Variants in POLRMT observed in about 807,000 individuals in gnomAD.
POLRMT encodes the protein RNA polymerase mitochondrial.
Under a neutral mutation model 132.2 loss-of-function variants are expected in POLRMT, and 114 were observed. The observed-to-expected ratio is 0.86, with a 90% confidence interval of 0.74 to 1.01. POLRMT has a LOEUF of 1.01. Among genes scored for constraint, POLRMT ranks in the 50% least tolerant of loss-of-function variants. The pLI, the probability that POLRMT is intolerant of heterozygous loss-of-function variation, is 0.00. For missense variants in POLRMT, 2,003 were observed against 1,729.1 expected (o/e 1.16, Z -2.81); for synonymous variants, 1,020 against 773.4 (o/e 1.32, Z -5.29).
chr19:625,006 C>T, intron 4 of POLRMT, 101 bp from the exon 5 acceptor site: 5 of 1,517,952 alleles, frequency 3.3e-6, no homozygotes, highest in Non-Finnish European at 4.4e-6. Context: ...GCCTGCAGGT[C>T]TCGGTGTGGC....
chr19:623,614 G>C lies in POLRMT; in HGVS notation c.1141-11C>G. ...GGACACACGCCCATCCTGCAGGGATGGGGGTAGTGAGGTTGGGGGCTTGCC... is the reference window on the plus strand; with the variant it reads ...GGACACACGCCCATCCTGCAGGGATCGGGGTAGTGAGGTTGGGGGCTTGCC... On this transcript the variant is annotated splice_polypyrimidine_tract_variant and intron_variant, in intron 5 of 20. Transcript: ENST00000588649. The C allele has an allele frequency of 6.2e-7, 1 of 1,612,904 alleles. No individual in the cohort carries two copies. Among genetic ancestry groups the C allele is most frequent in the African/African-American group, 1.3e-5 (1 of 75,044 alleles).
At position 618,012 on chromosome 19, in the gene POLRMT, GGGTTA is replaced by G. The variant is rs913851137; in HGVS notation, c.3423-168_3423-164del. The G allele has an allele frequency of 4.8e-6, 3 of 630,992 alleles. No individual in the cohort carries two copies. The African/African-American group carries it at 6.0e-5, about 13-fold the overall frequency. The allele number at this position is 630,992 out of a possible 1,614,324, so 39.1% of individuals were successfully genotyped here. On this transcript the variant is annotated intron_variant, in intron 17 of 20. Coordinates refer to ENST00000588649, the MANE Select transcript of POLRMT (RefSeq NM_005035.4). ...CGCCCCGCCCCTCCCCAAACATCCT[GGGTTA>G]GGTATCAGTACAGGGGGAGGAAATG...
At chr19:622,445 C>T in intron 8 of POLRMT, 72 bp from the exon 9 acceptor site, 2 of 1,467,824 alleles carry the variant, frequency 1.4e-6, no homozygotes, top group Non-Finnish European at 9.1e-7. Flanking sequence ...CCGTGCCTGA[C>T]GCCCGGTGGG....
In POLRMT at chr19:620,371, G is replaced by C; in HGVS notation, c.2757C>G (p.Val919=). ...CCAGACCCAGCTGGCTCACCTGATG[G>C]ACGGGGAGGTGGGAGACATAGGCGG... ...DPAAYVSHLP[V]HQDGSCNGLQ... Residue 919 remains valine, a synonymous_variant, in exon 11 of 21, where the codon GTC becomes GTG. Coordinates refer to ENST00000588649, the MANE Select transcript of POLRMT (RefSeq NM_005035.4). The C allele has an allele frequency of 1.3e-6, 2 of 1,576,558 alleles. No individual in the cohort carries two copies. The highest frequency in any genetic ancestry group is 1.7e-6 in the Non-Finnish European group (2 of 1,162,212).
intron 5 of POLRMT, among the ~76,000 whole-genome samples, chr19:624,065 T>TG (rs1984839510): frequency 6.6e-6 from 1 of 152,246 alleles, no homozygotes; most frequent in African/African-American, 2.4e-5. Context: ...TCGCAGTCGA[T>TG]AAGTAGAAAC....
intron 3 of POLRMT, among the ~76,000 whole-genome samples, chr19:625,923 G>A (rs987318927): frequency 6.6e-6 from 1 of 151,470 alleles, no homozygotes; most frequent in African/African-American, 2.4e-5. Flanking sequence ...GGCTGGTCTC[G>A]AACTCCTGAC....
chr19:625,058 C>G, intron 4 of POLRMT, 66 bp downstream of exon 4: 1 of 1,551,006 alleles, frequency 6.4e-7, no homozygotes, highest in Non-Finnish European at 8.7e-7. Context: ...GCCCAGGCAC[C>G]GTCCCAGATC....
chr19:618,366 ACAG>A, intron 17 of POLRMT, 119 bp downstream of exon 17: 1 of 749,190 alleles, frequency 1.3e-6, no homozygotes. Flanking sequence ...CCCCACAGAC[ACAG>A]CAGATCCACT....
At position 622,093 on chromosome 19, in the gene POLRMT, G is replaced by A. The variant is rs924754962; in HGVS notation, c.1851+56C>T. The stretch of plus-strand genomic sequence containing the variant: ...CCGCCCAAAGGCGCCAACCCCATGG[G>A]GTCCCTGGTCCTCCCAGCGGGATGC... On this transcript the variant is annotated intron_variant, in intron 9 of 20. Coordinates refer to ENST00000588649, the MANE Select transcript of POLRMT (RefSeq NM_005035.4). The A allele has an allele frequency of 2.8e-6, 4 of 1,451,350 alleles. No individual in the cohort carries two copies. The South Asian group carries it at 3.9e-5, about 14-fold the overall frequency. The allele number at this position is 1,451,350 out of a possible 1,614,324, so 89.9% of individuals were successfully genotyped here. A position where few individuals can be genotyped will look rare whatever the true frequency, so the allele number is the denominator to read the frequency against.
chr19:633,380 C>A, intron 1 of POLRMT, 45 bp downstream of exon 1: 2 of 1,458,078 alleles, frequency 1.4e-6, no homozygotes, highest in Admixed American at 2.4e-5. Flanking sequence ...GGGAGGAGCC[C>A]ACGCCGTGGC....
intron 15 of POLRMT, 26 bp downstream of exon 15, chr19:618,971 G>A (rs745475683): frequency 1.6e-5 from 25 of 1,518,780 alleles, no homozygotes; most frequent in African/African-American, 5.5e-5. Context: ...GTGGCACACT[G>A]GGGAGGGATG....
chr19:622,798 C>T (rs765034051), intron 7 of POLRMT, 23 bp downstream of exon 7: 140 of 1,573,064 alleles, frequency 8.9e-5, no homozygotes, highest in Non-Finnish European at 1.1e-4. Flanking sequence ...CCCGGGGACC[C>T]GGCCGCGCGG....
At chr19:625,703 TCAC>T in intron 3 of POLRMT, among the ~76,000 whole-genome samples, 1 of 152,234 alleles carries the variant, frequency 6.6e-6, no homozygotes, top group East Asian at 1.9e-4. Flanking sequence ...CTGAGATGTT[TCAC>T]TTTTTTTCCC....
At position 617,308 on chromosome 19, in the gene POLRMT, T is replaced by C. The variant is rs905785861; in HGVS notation, c.3659A>G (p.Glu1220Gly). 3 of 1,612,756 alleles carry C rather than the reference T, an allele frequency of 1.9e-6. No homozygotes were observed. The highest frequency in any genetic ancestry group is 2.5e-6 in the Non-Finnish European group (3 of 1,179,884). ...GAAGTAGGTGGAACGCTTCACCTGC[T>C]CCAGGTCGAAGGCCCCTGCGGAGGA... Reference protein sequence around the residue: ...AVPKPGAFDLEQVKRSTYFFS With the variant: ...AVPKPGAFDLGQVKRSTYFFS Residue 1220 changes from glutamate to glycine, a missense_variant, in exon 21 of 21, where the codon GAG becomes GGG. Coordinates refer to ENST00000588649, the MANE Select transcript of POLRMT (RefSeq NM_005035.4).
intron 3 of POLRMT, among the ~76,000 whole-genome samples, chr19:626,274 C>T (rs1170934583): frequency 6.6e-6 from 1 of 151,974 alleles, no homozygotes; most frequent in Non-Finnish European, 1.5e-5. Flanking sequence ...GCCTCAGCCT[C>T]CTGAGTAGCT....
chr19:626,388 A>G lies in POLRMT; in HGVS notation c.823-1134T>C, dbSNP rs1265711482. Among the ~76,000 whole-genome samples the G allele has an allele frequency of 4.1e-5, 6 of 147,080 alleles. No homozygotes were observed. The Admixed American group carries it at 4.1e-4, about 10-fold the overall frequency. ...AGGCTGGTCTCCAACTCCTGACCTC[A>G]GGGGATCCACCCGCCTCGGCCTCCC... On this transcript the variant is annotated intron_variant, in intron 3 of 20. Transcript: ENST00000588649.
chr19:622,652 A>T lies in POLRMT; in HGVS notation c.1556T>A (p.Val519Asp), dbSNP rs1351765780. The T allele has an allele frequency of 8.7e-6, 14 of 1,606,634 alleles. No homozygotes were observed. The highest frequency in any genetic ancestry group is 1.2e-5 in the Non-Finnish European group (14 of 1,178,142). ...FSRHVVQRQR[V>D]SGQVQALQNH... ...CTGCAGCGCCTGCACCTGGCCACTG[A>T]CCCGCTGCCTCTGCACCACGTGCCG... The change falls in exon 8 of 21, where the codon GTC becomes GAC. Residue 519 changes from valine (V) to aspartate (D), a missense_variant. Val to Asp is a radical substitution (Grantham distance 152, BLOSUM62 -3). Coordinates refer to ENST00000588649, the MANE Select transcript of POLRMT (RefSeq NM_005035.4).
Position 619,316 on chromosome 19 carries a change from G to GGTGTAGGTCCTCAGGGGCTGGCCC in POLRMT, c.3067-21_3067-20insGGGCCAGCCCCTGAGGACCTACAC. 6.2e-7 allele frequency: 1 copy of GGTGTAGGTCCTCAGGGGCTGGCCC among 1,606,978 alleles called. No homozygotes were observed. The highest frequency in any genetic ancestry group is 2.2e-5 in the East Asian group (1 of 44,814). On this transcript the variant is annotated intron_variant, in intron 13 of 20. Coordinates refer to ENST00000588649, the MANE Select transcript of POLRMT (RefSeq NM_005035.4). ...GAACTCCTGCAGAGGGCGGGCAGCA[G>GGTGTAGGTCCTCAGGGGCTGGCCC]GTGCAGGTCCTCAGGGGCTGGCCCG... is the stretch of plus-strand genomic sequence containing the variant.
Position 621,489 on chromosome 19 carries a change from C to CG in POLRMT, c.2208dup (p.Glu737ArgfsTer25). 7.3e-7 allele frequency: 1 copy of CG among 1,369,700 alleles called. No individual in the cohort carries two copies. The highest frequency in any genetic ancestry group is 9.3e-7 in the Non-Finnish European group (1 of 1,069,674). The allele number at this position is 1,369,700 out of a possible 1,614,324, so 84.8% of individuals were successfully genotyped here. On this transcript the variant is annotated frameshift_variant, in exon 10 of 21. Coordinates refer to ENST00000588649, the MANE Select transcript of POLRMT (RefSeq NM_005035.4). LOFTEE classifies it high-confidence loss of function. ...TGGGCCTCGGGCGGCTGGGGCGCCTCGGAGGGCGGGGCCGGCACGCCTAGC... is the reference window on the plus strand; with the variant it reads ...TGGGCCTCGGGCGGCTGGGGCGCCTCGGGAGGGCGGGGCCGGCACGCCTAGC...
Sources: allele counts gnomAD v4.1 joint callset (sites outside exome capture counted in the v4.1 genomes callset), GRCh38; gene constraint gnomAD v4.1.1; transcripts MANE v1.5; gene names NCBI Gene and HGNC (gene_info 2026-07-23, HGNC 2026-07-21).